The following PPM1L variants were observed in gnomAD, a reference collection of about 807,000 sequenced individuals.
PPM1L encodes protein phosphatase, Mg2+/Mn2+ dependent 1L.
A neutral mutation model predicts 31.4 loss-of-function variants in PPM1L; 13 were observed. That is an observed-to-expected ratio of 0.41 (90% CI 0.27 to 0.66). The LOEUF is 0.66. Among genes scored for constraint, PPM1L ranks in the 30% least tolerant of loss-of-function variants. PPM1L has a pLI of 0.29. For missense variants in PPM1L, 326 were observed against 453.7 expected (o/e 0.72, Z 2.56); for synonymous variants, 184 against 175.4 (o/e 1.05, Z -0.39).
intron 2 of PPM1L, among the ~76,000 whole-genome samples, chr3:161,059,964 G>C (rs1216387026): frequency 3.9e-5 from 6 of 152,080 alleles, no homozygotes; most frequent in African/African-American, 1.4e-4. Flanking sequence ...ACAGCCTCCA[G>C]AATCATGAGC....
intron 2 of PPM1L, among the ~76,000 whole-genome samples, chr3:160,990,460 A>T (rs773152038): frequency 6.6e-6 from 1 of 152,244 alleles, no homozygotes; most frequent in Non-Finnish European, 1.5e-5. Context: ...ATGTATTTCA[A>T]TATGTAAATA....
chr3:161,033,558 C>T (rs1460458554), intron 2 of PPM1L, among the ~76,000 whole-genome samples: 1 of 152,142 alleles, frequency 6.6e-6, no homozygotes, highest in African/African-American at 2.4e-5. Context: ...ACTATCTGAT[C>T]TTTGACAAAG....
At chr3:161,035,679 G>A (rs1718722718) in intron 2 of PPM1L, among the ~76,000 whole-genome samples, 1 of 152,236 alleles carries the variant, frequency 6.6e-6, no homozygotes, top group Non-Finnish European at 1.5e-5. Context: ...GGTCATGTAT[G>A]ATTGTTAATG....
At chr3:160,926,023 C>T (rs544510630) in intron 1 of PPM1L, among the ~76,000 whole-genome samples, 1 of 152,194 alleles carries the variant, frequency 6.6e-6, no homozygotes, top group Non-Finnish European at 1.5e-5. Flanking sequence ...GAAGAGGCAG[C>T]GTTGAGGGTA....
chr3:160,781,177 A>G (rs568663890), intron 1 of PPM1L, among the ~76,000 whole-genome samples: 2 of 152,200 alleles, frequency 1.3e-5, no homozygotes, highest in Non-Finnish European at 2.9e-5. Context: ...TGTGGTCACT[A>G]TCCCTTATTT....
At chr3:160,975,485 T>C (rs975698950) in intron 2 of PPM1L, among the ~76,000 whole-genome samples, 2 of 152,230 alleles carry the variant, frequency 1.3e-5, no homozygotes, top group Non-Finnish European at 2.9e-5. Flanking sequence ...TTTCACGATA[T>C]TGAGTCTTCT....
chr3:160,898,057 A>AG (rs1055491740), intron 1 of PPM1L, among the ~76,000 whole-genome samples: 1 of 152,206 alleles, frequency 6.6e-6, no homozygotes, highest in African/African-American at 2.4e-5. Context: ...CTTTTAAGGA[A>AG]GAAAAAAAAA....
intron 1 of PPM1L, among the ~76,000 whole-genome samples, chr3:160,802,676 A>G (rs375052396): frequency 2.0e-5 from 3 of 152,322 alleles, no homozygotes; most frequent in Non-Finnish European, 4.4e-5. Flanking sequence ...AATATGCCTA[A>G]TAAAGTTATA....
rs144653412 is a variant in PPM1L, at chr3:161,023,826, TCTTG to T, written c.575-41572_575-41569del. ...TTTGCATTTCTTATTTTTTTTCACT[TCTTG>T]CTTGTGTAGGGCCATAAAGTCATCT... On this transcript the variant is annotated intron_variant, in intron 2 of 3. Transcript: ENST00000498165. Among the ~76,000 whole-genome samples the T allele has an allele frequency of 6.4e-3, 981 of 152,324 alleles. 11 individuals are homozygous for T. The highest frequency in any genetic ancestry group is 0.022 in the African/African-American group (934 of 41,564).
chr3:161,063,605 G>C (rs1719639199), intron 2 of PPM1L, among the ~76,000 whole-genome samples: 1 of 152,086 alleles, frequency 6.6e-6, no homozygotes, highest in Non-Finnish European at 1.5e-5. Flanking sequence ...GTGGAAGACA[G>C]TGTGGCAATT....
At chr3:160,948,455 C>T (rs999279062) in intron 1 of PPM1L, among the ~76,000 whole-genome samples, 6 of 152,168 alleles carry the variant, frequency 3.9e-5, no homozygotes, top group Non-Finnish European at 5.9e-5. Flanking sequence ...TTGCAGTCCT[C>T]GGCAGGAGGG....
intron 2 of PPM1L, among the ~76,000 whole-genome samples, chr3:160,982,254 C>G (rs143692628): frequency 1.2e-3 from 176 of 152,298 alleles, no homozygotes; most frequent in African/African-American, 4.1e-3. Flanking sequence ...TTGACTATCA[C>G]TTCTGACTCC....
chr3:160,907,802 A>C (rs1713814930), intron 1 of PPM1L, among the ~76,000 whole-genome samples: 1 of 152,208 alleles, frequency 6.6e-6, no homozygotes, highest in Non-Finnish European at 1.5e-5. Context: ...CATATGACGG[A>C]GGGAATGCCC....
At chr3:160,805,156 A>G (rs145928840) in intron 1 of PPM1L, among the ~76,000 whole-genome samples, 1 of 152,348 alleles carries the variant, frequency 6.6e-6, no homozygotes, top group East Asian at 1.9e-4. Flanking sequence ...CTACCTCTGT[A>G]TTCCACTGGC....
chr3:161,035,576 G>A (rs1718720873), intron 2 of PPM1L, among the ~76,000 whole-genome samples: 1 of 152,184 alleles, frequency 6.6e-6, no homozygotes, highest in African/African-American at 2.4e-5. Flanking sequence ...GGAGATGCAA[G>A]ATTAAAATAA....
At chr3:160,900,755 C>G (rs1236821674) in intron 1 of PPM1L, among the ~76,000 whole-genome samples, 1 of 152,054 alleles carries the variant, frequency 6.6e-6, no homozygotes, top group Non-Finnish European at 1.5e-5. Context: ...GCTATACACT[C>G]CTTTCTTGAG....
intron 1 of PPM1L, among the ~76,000 whole-genome samples, chr3:160,778,318 A>G (rs1013837506): frequency 6.6e-6 from 1 of 152,080 alleles, no homozygotes; most frequent in African/African-American, 2.4e-5. Flanking sequence ...ACTTTCTCCT[A>G]TATTTCTAAT....
chr3:160,913,896 C>A (rs1266680727), intron 1 of PPM1L, among the ~76,000 whole-genome samples: 1 of 152,086 alleles, frequency 6.6e-6, no homozygotes, highest in Non-Finnish European at 1.5e-5. Flanking sequence ...TTTGAGTACT[C>A]AAATATGTAC....
intron 1 of PPM1L, among the ~76,000 whole-genome samples, chr3:160,786,593 T>G (rs1711940239): frequency 6.6e-6 from 1 of 151,142 alleles, no homozygotes. Context: ...TTTTTTTTTT[T>G]CCTTCCAACT....
Sources: gnomAD v4.1 joint callset for allele counts (sites outside exome capture counted in the v4.1 genomes callset) on GRCh38, gnomAD v4.1.1 for gene constraint, MANE v1.5 for transcripts, NCBI Gene and HGNC (gene_info 2026-07-23, HGNC 2026-07-21) for gene names.